CLIP1: variants seen among roughly 807,000 people sequenced by gnomAD.
The protein encoded by CLIP1 is CAP-Gly domain-containing linker protein 1.
Under a neutral mutation model 161.6 loss-of-function variants are expected in CLIP1, and 66 were observed. The observed-to-expected ratio is 0.41, with a 90% CI of 0.33 to 0.50. CLIP1 has a LOEUF of 0.50. Ranked by LOEUF, CLIP1 falls within the 20% of genes least tolerant of loss-of-function variation. CLIP1 has a pLI of 0.27. For missense variants in CLIP1, 1,376 were observed against 1,702.0 expected (o/e 0.81, Z 3.37); for synonymous variants, 598 against 626.2 (o/e 0.96, Z 0.67).
rs368689480 is a variant in CLIP1 at position 122,415,746 on chromosome 12, G to C, written c.-107+6775C>G. On this transcript the variant is annotated intron_variant, in intron 1 of 25. Transcript: ENST00000620786. ...AGGCAGGAGAATTGCTTGAACCCGG[G>C]AGGCAGAGGTTGCAGTGAGCTAAGA... 1.1e-4 allele frequency among the ~76,000 whole-genome samples: 16 copies of C among 151,952 alleles called. No homozygotes were observed. The Middle Eastern group carries it at 0.017, about 163-fold the overall frequency.
intron 20 of CLIP1, 55 bp from the exon 21 acceptor site, chr12:122,288,596 T>C (rs1343227597): frequency 1.3e-6 from 2 of 1,491,402 alleles, no homozygotes; most frequent in Non-Finnish European, 1.8e-6. Flanking sequence ...GAAAGGCATA[T>C]TTCTCATCCC....
rs1238942381 is a variant in CLIP1, at chr12:122,279,846, G to A, written c.3648-701C>T. The A allele has an allele frequency of 1.3e-5, 2 of 152,178 alleles. No individual in the cohort carries two copies. The highest frequency in any genetic ancestry group is 3.8e-4 in the East Asian group (2 of 5,198). 9.4% of individuals were successfully genotyped at this position (152,178 alleles called of 1,614,324 possible). A position where few individuals can be genotyped will look rare whatever the true frequency, so the allele number is the denominator to read the frequency against. On this transcript the variant is annotated intron_variant, in intron 21 of 25. Coordinates refer to ENST00000620786, the MANE Select transcript of CLIP1 (RefSeq NM_001247997.2). The surrounding 1 kb of genome is among the most constrained non-coding windows in gnomAD (Gnocchi z 4.5). The stretch of plus-strand genomic sequence containing the variant: ...TCTCAGGTGCAGAATGAAAGCATGG[G>A]GAGCCTGGAAGGAGAAATTCAGAGC...
rs762525757 is a variant in CLIP1, at chr12:122,311,133, C to T, written c.3474-1251G>A. 1.3e-5 allele frequency among the ~76,000 whole-genome samples: 2 copies of T among 152,118 alleles called. No individual in the cohort carries two copies. The highest frequency in any genetic ancestry group is 2.9e-5 in the Non-Finnish European group (2 of 68,026). The stretch of plus-strand genomic sequence containing the variant: ...ATATATGTATATACATGCACATACA[C>T]ACATATCACAGTGAAAGTTCATCTG... On this transcript the variant is annotated intron_variant, in intron 19 of 25. Transcript: ENST00000620786. This position sits in a 1 kb window ranked among gnomAD's most constrained non-coding sequence, Gnocchi z 4.3.
At position 122,329,944 on chromosome 12, in the gene CLIP1, C is replaced by A. The variant is rs528816882; in HGVS notation, c.2868-1518G>T. On this transcript the variant is annotated intron_variant, in intron 15 of 25. Coordinates refer to ENST00000620786, the MANE Select transcript of CLIP1 (RefSeq NM_001247997.2). Reference sequence around the variant, plus strand: ...ACCAGCCTGACCAACATAGAGAAACCCCATCTCTACTAAAAATACAAAATT... The same window carrying A: ...ACCAGCCTGACCAACATAGAGAAACACCATCTCTACTAAAAATACAAAATT... 2.6e-3 allele frequency among the ~76,000 whole-genome samples: 391 copies of A among 152,048 alleles called. 1 individual carries two copies. Among genetic ancestry groups the A allele is most frequent in the Middle Eastern group, 3.4e-3 (1 of 294 alleles).
chr12:122,380,289 TATAAA>T, intron 2 of CLIP1, 74 bp downstream of exon 2: 1 of 867,398 alleles, frequency 1.2e-6, no homozygotes, highest in South Asian at 1.8e-5. Flanking sequence ...TATGAACAGA[TATAAA>T]ATAATGTTTT....
At chr12:122,379,081 T>A (rs973920796) in intron 2 of CLIP1, among the ~76,000 whole-genome samples, 3 of 146,480 alleles carry the variant, frequency 2.0e-5, no homozygotes, top group African/African-American at 7.7e-5. Flanking sequence ...GCCGAAATCA[T>A]GTCACTGCAC....
intron 3 of CLIP1, among the ~76,000 whole-genome samples, chr12:122,374,693 C>T (rs1391567879): frequency 4.6e-5 from 7 of 151,944 alleles, no homozygotes; most frequent in East Asian, 1.9e-4. Flanking sequence ...ACCCAGGAGG[C>T]GGAGGTTACA....
chr12:122,356,003 T>TGCAAGATGC (rs1953327221), intron 5 of CLIP1: 1 of 152,214 alleles, frequency 6.6e-6, no homozygotes, highest in Non-Finnish European at 1.5e-5. Context: ...AGGCCCTTAC[T>TGCAAGATGC]GCAAGATGCA....
At chr12:122,395,174 C>T (rs1955861959) in intron 1 of CLIP1, among the ~76,000 whole-genome samples, 1 of 152,148 alleles carries the variant, frequency 6.6e-6, no homozygotes, top group Non-Finnish European at 1.5e-5. Context: ...GCAAATAGAG[C>T]TACTGACTAA....
rs1340967305 is a variant in CLIP1 at position 122,341,149 on chromosome 12, C to T, written c.2055G>A (p.Arg685=). The T allele has an allele frequency of 1.2e-6, 2 of 1,614,126 alleles. No individual in the cohort carries two copies. The highest frequency in any genetic ancestry group is 1.7e-5 in the Admixed American group (1 of 60,018). Residue 685 remains arginine (R), a synonymous_variant, in exon 11 of 26, where the codon CGG becomes CGA. Coordinates refer to ENST00000620786, the MANE Select transcript of CLIP1 (RefSeq NM_001247997.2). ...CTTCCATCTCTTTAGCATGGGCAGCCCGTTCAGAGTCTTGTTGATTCTGCA... is the reference window on the plus strand; with the variant it reads ...CTTCCATCTCTTTAGCATGGGCAGCTCGTTCAGAGTCTTGTTGATTCTGCA... ...ENLQNQQDSE[R]AAHAKEMEAL...
chr12:122,378,915 C>T (rs1277970023), intron 2 of CLIP1, among the ~76,000 whole-genome samples: 2 of 152,028 alleles, frequency 1.3e-5, no homozygotes, highest in Non-Finnish European at 2.9e-5. Flanking sequence ...CACCTGAGGT[C>T]GGGAGTTTGA....
chr12:122,334,850 C>T, intron 12 of CLIP1, 145 bp from the exon 13 acceptor site: 3 of 632,708 alleles, frequency 4.7e-6, no homozygotes, highest in South Asian at 1.8e-5. Flanking sequence ...ACATATGACA[C>T]CAATTACTAC....
chr12:122,333,122 T>A lies in CLIP1; in HGVS notation c.2732A>T (p.Glu911Val). 6.2e-7 allele frequency: 1 copy of A among 1,612,830 alleles called. No homozygotes were observed. Among genetic ancestry groups the A allele is most frequent in the South Asian group, 1.1e-5 (1 of 90,900 alleles). Residue 911 changes from glutamate to valine, a missense_variant, in exon 15 of 26, where the codon GAG becomes GTG. Coordinates refer to ENST00000620786, the MANE Select transcript of CLIP1 (RefSeq NM_001247997.2). ...NLADMEAKFR[E>V]KDEREEQLIK... ...CAGCTGCTCTTCTCTCTCATCTTTC[T>A]CTCTAAATTTTGCCTCCATATCTAA...
chr12:122,276,350 A>G, intron 24 of CLIP1: 2 of 1,186,968 alleles, frequency 1.7e-6, no homozygotes, highest in Non-Finnish European at 2.1e-6. Flanking sequence ...AAGAAGAAAA[A>G]GCCACAAAAT....
intron 20 of CLIP1, among the ~76,000 whole-genome samples, chr12:122,294,505 G>C (rs942381782): frequency 3.9e-5 from 6 of 152,082 alleles, no homozygotes; most frequent in Non-Finnish European, 7.4e-5. Flanking sequence ...GCTCACACCT[G>C]TAATCTCAGC....
intron 20 of CLIP1, among the ~76,000 whole-genome samples, chr12:122,302,934 G>C: frequency 6.6e-6 from 1 of 152,080 alleles, no homozygotes; most frequent in Admixed American, 6.6e-5. Flanking sequence ...GTCTTGCTAT[G>C]TTGCCCAGGC....
At position 122,352,914 on chromosome 12, in the gene CLIP1, G is replaced by C. The variant is rs538430487; in HGVS notation, c.1308-128C>G. ...CACTCCTATAATCCCAGCAATTTGG[G>C]AGGTGGAGGCAGGAGGATCGCTTGA... is the stretch of plus-strand genomic sequence containing the variant. On this transcript the variant is annotated intron_variant, in intron 7 of 25. Coordinates refer to ENST00000620786, the MANE Select transcript of CLIP1 (RefSeq NM_001247997.2). The C allele has an allele frequency of 5.9e-5, 44 of 750,150 alleles. No individual in the cohort carries two copies. In the South Asian group the frequency reaches 6.6e-4, roughly 11 times the overall value. The allele number at this position is 750,150 out of a possible 1,614,324, so 46.5% of individuals were successfully genotyped here. A position where few individuals can be genotyped will look rare whatever the true frequency, so the allele number is the denominator to read the frequency against.
intron 20 of CLIP1, among the ~76,000 whole-genome samples, chr12:122,289,739 T>C (rs1393151678): frequency 6.6e-6 from 1 of 151,778 alleles, no homozygotes; most frequent in Non-Finnish European, 1.5e-5. Context: ...GGAGGAATCA[T>C]CTCTACCTCC....
chr12:122,391,089 A>C (rs1955638105), intron 1 of CLIP1, among the ~76,000 whole-genome samples: 1 of 152,156 alleles, frequency 6.6e-6, no homozygotes, highest in African/African-American at 2.4e-5. Flanking sequence ...GCAGTTTGAG[A>C]CCAGCCTGGC....
Sources: allele counts gnomAD v4.1 joint callset (sites outside exome capture counted in the v4.1 genomes callset), GRCh38; gene constraint gnomAD v4.1.1; non-coding constraint Gnocchi (gnomAD v3.1); transcripts MANE v1.5; gene names NCBI Gene and HGNC (gene_info 2026-07-23, HGNC 2026-07-21).